The following OXR1 variants were observed in gnomAD, a reference collection of about 807,000 sequenced individuals.
The protein encoded by OXR1 is oxidation resistance 1.
In OXR1, 41 loss-of-function variants were observed where a neutral mutation model predicts 104.6. That is an observed-to-expected ratio of 0.39 (90% confidence interval 0.31 to 0.51). The LOEUF is 0.51. Ranked by LOEUF, OXR1 falls within the 20% of genes least tolerant of loss-of-function variation. The pLI is 0.77. For synonymous variants in OXR1, 348 were observed against 348.4 expected (o/e 1.00, Z 0.01); for missense variants, 955 against 1,031.9 (o/e 0.93, Z 1.02).
chr8:106,517,323 C>T (rs992782250), intron 2 of OXR1, among the ~76,000 whole-genome samples: 3 of 152,116 alleles, frequency 2.0e-5, no homozygotes, highest in Admixed American at 6.6e-5. Context: ...TTGCTCAAAA[C>T]TATTTTTATG....
chr8:106,462,662 T>G (rs937890530), intron 2 of OXR1, among the ~76,000 whole-genome samples: 12 of 152,164 alleles, frequency 7.9e-5, no homozygotes, highest in Non-Finnish European at 1.5e-4. Context: ...AAATTTTACT[T>G]ATTAATAATG....
intron 1 of OXR1, among the ~76,000 whole-genome samples, chr8:106,312,565 A>T (rs939030808): frequency 6.6e-6 from 1 of 152,216 alleles, no homozygotes; most frequent in Admixed American, 6.5e-5. Context: ...ACCGAGGGCC[A>T]TATTGGAAGT....
At chr8:106,390,386 T>C (rs1040273106) in intron 2 of OXR1, among the ~76,000 whole-genome samples, 1 of 152,312 alleles carries the variant, frequency 6.6e-6, no homozygotes, top group East Asian at 1.9e-4. Context: ...CTTACACTTA[T>C]ATAATGCTTT....
intron 3 of OXR1, among the ~76,000 whole-genome samples, chr8:106,595,222 A>G (rs1437175403): frequency 1.3e-5 from 2 of 152,172 alleles, no homozygotes; most frequent in African/African-American, 2.4e-5. Flanking sequence ...TCTGATCATT[A>G]CCTTCTCTGT....
At chr8:106,668,778 A>G (rs566242501) in intron 3 of OXR1, among the ~76,000 whole-genome samples, 4 of 152,206 alleles carry the variant, frequency 2.6e-5, no homozygotes, top group Non-Finnish European at 5.9e-5. Context: ...GCTGGTGTTA[A>G]CTGTCACAAA....
chr8:106,336,730 C>G (rs1056712201), intron 1 of OXR1, among the ~76,000 whole-genome samples: 1 of 152,176 alleles, frequency 6.6e-6, no homozygotes, highest in Admixed American at 6.5e-5. Flanking sequence ...TTTTGGTGAA[C>G]TCTTAAAGCC....
At chr8:106,287,156 C>A (rs888337162) in intron 1 of OXR1, among the ~76,000 whole-genome samples, 2 of 152,084 alleles carry the variant, frequency 1.3e-5, no homozygotes, top group Non-Finnish European at 2.9e-5. Context: ...AACAGAGGAA[C>A]TAAAATGACA....
intron 1 of OXR1, among the ~76,000 whole-genome samples, chr8:106,346,766 G>A (rs962187411): frequency 2.0e-5 from 3 of 152,082 alleles, no homozygotes; most frequent in African/African-American, 4.8e-5. Context: ...CTGGCTGGGC[G>A]CGGTGGCTCA....
In OXR1 at chr8:106,559,954, C is replaced by T. The variant is rs373473278; in HGVS notation, c.220+40815C>T. Among the ~76,000 whole-genome samples, 7 of 152,118 alleles carry T rather than the reference C, an allele frequency of 4.6e-5. No individual in the cohort carries two copies. The East Asian group carries it at 9.7e-4, about 21-fold the overall frequency. ...TATATTTGTCAAGTGGGACAAAAAC[C>T]TCCATTTTTTCAGATAACAGAAAAT... is the stretch of plus-strand genomic sequence containing the variant. On this transcript the variant is annotated intron_variant, in intron 3 of 16. Coordinates refer to ENST00000517566, the MANE Select transcript of OXR1 (RefSeq NM_001198533.2).
At chr8:106,425,224 T>C (rs537689828) in intron 2 of OXR1, among the ~76,000 whole-genome samples, 58 of 151,600 alleles carry the variant, frequency 3.8e-4, no homozygotes, top group Non-Finnish European at 6.8e-4. Flanking sequence ...CTGCCTCTTT[T>C]TTCTTTTCTT....
intron 3 of OXR1, among the ~76,000 whole-genome samples, chr8:106,544,274 G>T (rs1273093036): frequency 6.7e-6 from 1 of 150,146 alleles, no homozygotes; most frequent in Non-Finnish European, 1.5e-5. Context: ...GGAGGCAGAT[G>T]TGCAACACAC....
rs149506866 is a variant in OXR1 at position 106,577,108 on chromosome 8, C to T, written c.220+57969C>T. ...TAAACTAACATGAACAATTAAACTA[C>T]AGTATTTGCTCCATGAAATTATAAA... On this transcript the variant is annotated intron_variant, in intron 3 of 16. Transcript: ENST00000517566. Among the ~76,000 whole-genome samples, 9 of 152,134 alleles carry T rather than the reference C, an allele frequency of 5.9e-5. No individual in the cohort carries two copies. In the East Asian group the frequency reaches 1.7e-3, roughly 29 times the overall value.
At chr8:106,576,213 T>C (rs1817821730) in intron 3 of OXR1, among the ~76,000 whole-genome samples, 1 of 152,018 alleles carries the variant, frequency 6.6e-6, no homozygotes, top group African/African-American at 2.4e-5. Flanking sequence ...AGATAGAATT[T>C]AATTACAAAT....
At chr8:106,732,209 T>TGCGAGAATAATTATTCTC (rs1164487022) in intron 11 of OXR1, among the ~76,000 whole-genome samples, 1 of 152,148 alleles carries the variant, frequency 6.6e-6, no homozygotes, top group Non-Finnish European at 1.5e-5. Context: ...CATTGACTTT[T>TGCGAGAATAATTATTCTC]GCATATTAAT....
chr8:106,526,908 C>G (rs1813731320), intron 3 of OXR1, among the ~76,000 whole-genome samples: 1 of 152,128 alleles, frequency 6.6e-6, no homozygotes, highest in African/African-American at 2.4e-5. Flanking sequence ...AATTAGCTCT[C>G]AAAGATCCTA....
intron 1 of OXR1, among the ~76,000 whole-genome samples, chr8:106,348,599 CTAAAAACATTA>C (rs1456175963): frequency 1.3e-5 from 2 of 151,748 alleles, no homozygotes; most frequent in Non-Finnish European, 2.9e-5. Flanking sequence ...ATTGTAGATT[CTAAAAACATTA>C]TAAAAACATT....
At chr8:106,549,601 A>G (rs1000167067) in intron 3 of OXR1, among the ~76,000 whole-genome samples, 3 of 152,198 alleles carry the variant, frequency 2.0e-5, no homozygotes, top group Non-Finnish European at 4.4e-5. Context: ...CTTATAAACA[A>G]CAGAAATGTA....
intron 7 of OXR1, among the ~76,000 whole-genome samples, chr8:106,694,423 AT>A (rs1475208887): frequency 7.2e-6 from 1 of 139,758 alleles, no homozygotes; most frequent in African/African-American, 2.6e-5. Flanking sequence ...TTATATATAT[AT>A]TTAATATATA....
At position 106,667,805 on chromosome 8, in the gene OXR1, G is replaced by C. The variant is rs74634850; in HGVS notation, c.221-11405G>C. On this transcript the variant is annotated intron_variant, in intron 3 of 16. Transcript: ENST00000517566. Reference sequence around the variant, plus strand: ...TCACCCAGAGATACTGTTAATATTTGGGTAGGCATTACTGCCAAGTAATGT... The same window carrying C: ...TCACCCAGAGATACTGTTAATATTTCGGTAGGCATTACTGCCAAGTAATGT... Among the ~76,000 whole-genome samples, 328 of 152,010 alleles carry C rather than the reference G, an allele frequency of 2.2e-3. 2 individuals carry two copies. The highest frequency in any genetic ancestry group is 7.4e-3 in the African/African-American group (308 of 41,514).
Sources: allele counts gnomAD v4.1 joint callset (sites outside exome capture counted in the v4.1 genomes callset), GRCh38; gene constraint gnomAD v4.1.1; transcripts MANE v1.5; gene names NCBI Gene and HGNC (gene_info 2026-07-23, HGNC 2026-07-21).